The following VPS50 variants were observed in gnomAD, a reference collection of about 807,000 sequenced individuals.
VPS50 encodes VPS50 subunit of EARP/GARPII complex.
VPS50 carries 70 observed loss-of-function variants against 139.7 expected under a neutral mutation model. The observed-to-expected ratio is 0.50, with a 90% confidence interval of 0.41 to 0.61. The LOEUF (loss-of-function observed/expected upper bound fraction) is 0.61, where lower values mean the gene tolerates loss of function less well. Among genes scored for constraint, VPS50 ranks in the 20% least tolerant of loss-of-function variants. The probability of loss-of-function intolerance (pLI) is 0.00; values close to 1 mark genes in which losing one functional copy is unlikely to be tolerated. For synonymous variants in VPS50, 365 were observed against 376.7 expected (o/e 0.97, Z 0.36); for missense variants, 921 against 1,133.7 (o/e 0.81, Z 2.69).
chr7:93,258,653 G>A (rs763441201), intron 8 of VPS50, among the ~76,000 whole-genome samples: 6 of 151,878 alleles, frequency 4.0e-5, no homozygotes, highest in African/African-American at 7.2e-5. Flanking sequence ...TTTGTATTGC[G>A]TCCAAATAGC....
intron 21 of VPS50, among the ~76,000 whole-genome samples, chr7:93,330,263 T>A: frequency 6.6e-6 from 1 of 152,066 alleles, no homozygotes; most frequent in Non-Finnish European, 1.5e-5. Context: ...AATATTAAAG[T>A]AGAAATCTAA....
intron 17 of VPS50, 33 bp downstream of exon 17, chr7:93,303,583 T>C: frequency 1.0e-6 from 1 of 961,772 alleles, no homozygotes; most frequent in South Asian, 1.6e-5. Context: ...GAAATCTGTC[T>C]TTTAGTAATG....
At position 93,296,994 on chromosome 7, in the gene VPS50, T is replaced by C. The variant is rs1361781687; in HGVS notation, c.1263-151T>C. ...TTTAAATATTTCTGCCCTTTGGGTG[T>C]TTGTAAACCTTTATGGATTTGTGAT... On this transcript the variant is annotated intron_variant, in intron 15 of 27. Coordinates refer to ENST00000305866, the MANE Select transcript of VPS50 (RefSeq NM_017667.4). The C allele has an allele frequency of 4.2e-6, 6 of 1,437,864 alleles. No individual in the cohort carries two copies. The East Asian group carries it at 1.4e-4, about 33-fold the overall frequency. The allele number at this position is 1,437,864 out of a possible 1,614,324, so 89.1% of individuals were successfully genotyped here. A position where few individuals can be genotyped will look rare whatever the true frequency, so the allele number is the denominator to read the frequency against.
At chr7:93,333,434 T>G (rs1033196528) in intron 21 of VPS50, among the ~76,000 whole-genome samples, 1 of 152,190 alleles carries the variant, frequency 6.6e-6, no homozygotes, top group African/African-American at 2.4e-5. Flanking sequence ...ACAGAGAACA[T>G]TGTAACATTT....
intron 12 of VPS50, among the ~76,000 whole-genome samples, chr7:93,286,243 A>G (rs1796482113): frequency 6.6e-6 from 1 of 152,186 alleles, no homozygotes; most frequent in African/African-American, 2.4e-5. Flanking sequence ...ATGTCTTACT[A>G]TGTGAATATT....
chr7:93,253,847 T>A lies in VPS50; in HGVS notation c.226-13T>A. The A allele has an allele frequency of 6.6e-7, 1 of 1,526,610 alleles. No individual in the cohort carries two copies. The highest frequency in any genetic ancestry group is 9.0e-7 in the Non-Finnish European group (1 of 1,107,608). The allele number at this position is 1,526,610 out of a possible 1,614,324, so 94.6% of individuals were successfully genotyped here. ...TTATTTTTTCCTCTTCTTTCATGAATTTTTTTCTGTAGAAGCTTCCACCTG... is the reference window on the plus strand; with the variant it reads ...TTATTTTTTCCTCTTCTTTCATGAAATTTTTTCTGTAGAAGCTTCCACCTG... On this transcript the variant is annotated splice_polypyrimidine_tract_variant and intron_variant, in intron 3 of 27. Coordinates refer to ENST00000305866, the MANE Select transcript of VPS50 (RefSeq NM_017667.4).
chr7:93,247,169 A>G (rs1795180834), intron 2 of VPS50, among the ~76,000 whole-genome samples: 1 of 151,918 alleles, frequency 6.6e-6, no homozygotes, highest in Admixed American at 6.6e-5. Flanking sequence ...CACAGCCTCT[A>G]AAACGTTGAA....
chr7:93,278,070 G>A (rs1462650372), intron 12 of VPS50, among the ~76,000 whole-genome samples: 1 of 151,840 alleles, frequency 6.6e-6, no homozygotes, highest in African/African-American at 2.4e-5. Flanking sequence ...TTTAAATTTG[G>A]TTAAATCTGT....
At chr7:93,319,093 A>G (rs1797522592) in intron 20 of VPS50, among the ~76,000 whole-genome samples, 2 of 152,228 alleles carry the variant, frequency 1.3e-5, no homozygotes, top group Non-Finnish European at 2.9e-5. Context: ...CAAGAGCTCA[A>G]TATCCACAAG....
At chr7:93,237,053 C>G (rs954270861) in intron 1 of VPS50, among the ~76,000 whole-genome samples, 1 of 145,380 alleles carries the variant, frequency 6.9e-6, no homozygotes, top group Non-Finnish European at 1.5e-5. Context: ...CGGGTTCATG[C>G]CATTCGCCTG....
Position 93,308,909 on chromosome 7 carries a change from TG to T in VPS50, c.1717del (p.Asp573MetfsTer9), listed in dbSNP as rs1161492527. The part of the protein sequence containing the change: ...DVPEELKRDY[V>X]DEQTGDGPVK... ...CCTGAGGAACTCAAACGAGACTATG[TG>T]GATGAGCAGACAGGAGATGGTCCTG... is the stretch of plus-strand genomic sequence containing the variant. On this transcript the variant is annotated frameshift_variant, in exon 19 of 28. Coordinates refer to ENST00000305866, the MANE Select transcript of VPS50 (RefSeq NM_017667.4). LOFTEE classifies it high-confidence loss of function. 1 of 1,600,342 alleles carries T rather than the reference TG, an allele frequency of 6.2e-7. No homozygotes were observed. Among genetic ancestry groups the T allele is most frequent in the African/African-American group, 1.3e-5 (1 of 74,584 alleles).
chr7:93,333,628 A>G (rs1162830602), intron 21 of VPS50, among the ~76,000 whole-genome samples: 4 of 152,190 alleles, frequency 2.6e-5, no homozygotes, highest in East Asian at 1.9e-4. Flanking sequence ...ATTTCTATCT[A>G]TACTGTGAAA....
chr7:93,271,200 G>GTTT lies in VPS50; in HGVS notation c.660-8_660-6dup. The GTTT allele has an allele frequency of 7.4e-5, 100 of 1,344,804 alleles. No individual in the cohort carries two copies. Among genetic ancestry groups the GTTT allele is most frequent in the South Asian group, 3.1e-4 (21 of 68,118 alleles). 83.3% of individuals were successfully genotyped at this position (1,344,804 alleles called of 1,614,324 possible). A position where few individuals can be genotyped will look rare whatever the true frequency, so the allele number is the denominator to read the frequency against. ...TTTGTCTCAGAAATAGAAAAAAACTGTTTTTTTTTTTTTTAATAGTGAACT... is the reference window on the plus strand; with the variant it reads ...TTTGTCTCAGAAATAGAAAAAAACTGTTTTTTTTTTTTTTTTTAATAGTGAACT... On this transcript the variant is annotated intron_variant, in intron 9 of 27. Coordinates refer to ENST00000305866, the MANE Select transcript of VPS50 (RefSeq NM_017667.4).
intron 20 of VPS50, among the ~76,000 whole-genome samples, chr7:93,321,512 G>T (rs1797612949): frequency 6.6e-6 from 1 of 152,076 alleles, no homozygotes; most frequent in Non-Finnish European, 1.5e-5. Flanking sequence ...GACTTTTAAG[G>T]TGCAACAGCC....
chr7:93,289,223 T>C (rs1796579277), intron 12 of VPS50, among the ~76,000 whole-genome samples: 2 of 152,136 alleles, frequency 1.3e-5, no homozygotes, highest in South Asian at 4.1e-4. Flanking sequence ...TTGGTGAGAA[T>C]TTGCATCTTA....
In VPS50 at chr7:93,335,408, C is replaced by T. The variant is rs376595748; in HGVS notation, c.2058+1211C>T. Among the ~76,000 whole-genome samples the T allele has an allele frequency of 2.0e-5, 3 of 152,282 alleles. No homozygotes were observed. The East Asian group carries it at 5.8e-4, about 29-fold the overall frequency. On this transcript the variant is annotated intron_variant, in intron 22 of 27. Transcript: ENST00000305866. ...TATAGTCATATCACTTACCTTGGCA[C>T]ATAACATTGCTTCAGTAAATGTTCA... is the stretch of plus-strand genomic sequence containing the variant.
chr7:93,276,489 A>T, intron 12 of VPS50, 184 bp downstream of exon 12: 2 of 948,420 alleles, frequency 2.1e-6, no homozygotes, highest in Non-Finnish European at 2.9e-6. Context: ...AGTCACACAA[A>T]TGGTAAAGGT....
At chr7:93,282,072 C>T (rs953935649) in intron 12 of VPS50, among the ~76,000 whole-genome samples, 2 of 151,896 alleles carry the variant, frequency 1.3e-5, no homozygotes, top group South Asian at 2.1e-4. Flanking sequence ...GGCGTGGTGG[C>T]GGGCGCTTGT....
intron 27 of VPS50, among the ~76,000 whole-genome samples, chr7:93,356,396 A>G (rs951333837): frequency 2.0e-4 from 30 of 152,174 alleles, no homozygotes; most frequent in African/African-American, 7.0e-4. Flanking sequence ...AAGTTGATAA[A>G]TACTGAGACA....
Sources: gnomAD v4.1 joint callset for allele counts (sites outside exome capture counted in the v4.1 genomes callset) on GRCh38, gnomAD v4.1.1 for gene constraint, MANE v1.5 for transcripts, NCBI Gene and HGNC (gene_info 2026-07-23, HGNC 2026-07-21) for gene names.